The following KCNIP4 variants were observed in gnomAD, a reference collection of about 807,000 sequenced individuals.
The protein encoded by KCNIP4 is potassium voltage-gated channel interacting protein 4.
In KCNIP4, 12 loss-of-function variants were observed where a neutral mutation model predicts 34.0. The observed-to-expected ratio is 0.35, with a 90% CI of 0.23 to 0.57. KCNIP4 has a LOEUF of 0.57. Among genes scored for constraint, KCNIP4 ranks in the 20% least tolerant of loss-of-function variants. The pLI, the probability that KCNIP4 is intolerant of heterozygous loss-of-function variation, is 0.83. For synonymous variants in KCNIP4, 124 were observed against 102.2 expected (o/e 1.21, Z -1.29); for missense variants, 238 against 311.7 (o/e 0.76, Z 1.78).
intron 2 of KCNIP4, among the ~76,000 whole-genome samples, chr4:20,866,240 C>T (rs1352736240): frequency 3.3e-5 from 5 of 151,856 alleles, no homozygotes; most frequent in Non-Finnish European, 7.4e-5. Flanking sequence ...CTCATGAATA[C>T]AGACAAAAAA....
At chr4:21,527,208 G>C (rs1422215564) in intron 1 of KCNIP4, among the ~76,000 whole-genome samples, 1 of 152,066 alleles carries the variant, frequency 6.6e-6, no homozygotes, top group Non-Finnish European at 1.5e-5. Context: ...ATGATTTGTT[G>C]GGTTGTTGAT....
At chr4:21,026,026 G>A (rs534933717) in intron 1 of KCNIP4, among the ~76,000 whole-genome samples, 1 of 152,168 alleles carries the variant, frequency 6.6e-6, no homozygotes, top group East Asian at 1.9e-4. Flanking sequence ...TAGTCTAATG[G>A]CCCTGAAAAT....
chr4:20,814,363 G>A (rs2149436969), intron 3 of KCNIP4, among the ~76,000 whole-genome samples: 1 of 152,208 alleles, frequency 6.6e-6, no homozygotes, highest in South Asian at 2.1e-4. Context: ...CTGGATGTGG[G>A]GTTCTTAAGT....
At chr4:21,262,883 C>T (rs34595298) in intron 1 of KCNIP4, among the ~76,000 whole-genome samples, 42,301 of 152,118 alleles carry the variant, frequency 0.28, 6,192 homozygotes, top group South Asian at 0.33. Flanking sequence ...AAACTGAGGA[C>T]ATGGACTGTA....
chr4:21,486,959 G>C (rs1452417521), intron 1 of KCNIP4, among the ~76,000 whole-genome samples: 1 of 151,748 alleles, frequency 6.6e-6, no homozygotes, highest in Admixed American at 6.6e-5. Flanking sequence ...CATCACACCT[G>C]GCTAATTTTT....
At chr4:21,810,107 G>C (rs1721535445) in intron 1 of KCNIP4, among the ~76,000 whole-genome samples, 1 of 152,198 alleles carries the variant, frequency 6.6e-6, no homozygotes, top group Admixed American at 6.5e-5. Flanking sequence ...AAGACACCAT[G>C]AAGGTTGAAC....
At chr4:21,672,246 C>T (rs1342779253) in intron 1 of KCNIP4, among the ~76,000 whole-genome samples, 2 of 152,160 alleles carry the variant, frequency 1.3e-5, no homozygotes, top group Non-Finnish European at 2.9e-5. Flanking sequence ...CAAACCTGCA[C>T]ATTCTGCACA....
chr4:21,184,830 C>G (rs1444607447), intron 1 of KCNIP4, among the ~76,000 whole-genome samples: 1 of 152,186 alleles, frequency 6.6e-6, no homozygotes, highest in Non-Finnish European at 1.5e-5. Context: ...TAGCTCTCTA[C>G]TGAGTTCAAA....
At chr4:21,585,479 A>C (rs1438583306) in intron 1 of KCNIP4, among the ~76,000 whole-genome samples, 1 of 152,154 alleles carries the variant, frequency 6.6e-6, no homozygotes, top group Non-Finnish European at 1.5e-5. Context: ...ACTGAAATTA[A>C]GTGAAAACAA....
intron 8 of KCNIP4, chr4:20,731,706 T>C: frequency 1.0e-6 from 1 of 985,218 alleles, no homozygotes; most frequent in Non-Finnish European, 1.2e-6. Context: ...GCAATTCAAA[T>C]CTCATGTATG....
chr4:21,030,883 G>A (rs373123384), intron 1 of KCNIP4, among the ~76,000 whole-genome samples: 6 of 152,084 alleles, frequency 3.9e-5, no homozygotes, highest in African/African-American at 1.4e-4. Context: ...GAAATATGAT[G>A]TCCTGACCAT....
chr4:21,320,003 A>G (rs1355792200), intron 1 of KCNIP4, among the ~76,000 whole-genome samples: 1 of 152,234 alleles, frequency 6.6e-6, no homozygotes, highest in African/African-American at 2.4e-5. Context: ...GTTCCTGGTT[A>G]TGATAAAAAA....
intron 1 of KCNIP4, 139 bp from the exon 2 acceptor site, chr4:20,882,848 A>C: frequency 2.0e-6 from 1 of 506,130 alleles, no homozygotes; most frequent in Admixed American, 3.9e-5. Flanking sequence ...GTGGGTTGGG[A>C]CCCCCGAAAG....
Position 21,582,954 on chromosome 4 carries a change from T to C in KCNIP4, c.61+365617A>G, listed in dbSNP as rs562860525. On this transcript the variant is annotated intron_variant, in intron 1 of 8. Transcript: ENST00000382152. Reference sequence around the variant, plus strand: ...ATCATAGCATTTTTAGTTTCAAAGATTCTCATTGCCTTTCTCACACTAGCA... The same window carrying C: ...ATCATAGCATTTTTAGTTTCAAAGACTCTCATTGCCTTTCTCACACTAGCA... Among the ~76,000 whole-genome samples, 5 of 151,920 alleles carry C rather than the reference T, an allele frequency of 3.3e-5. No individual in the cohort carries two copies. In the South Asian group the frequency reaches 1.0e-3, roughly 32 times the overall value.
At chr4:21,213,833 T>G (rs1757389710) in intron 1 of KCNIP4, among the ~76,000 whole-genome samples, 1 of 152,172 alleles carries the variant, frequency 6.6e-6, no homozygotes, top group South Asian at 2.1e-4. Context: ...CTTTCATTCT[T>G]TCATCCGTCT....
At chr4:20,828,107 T>G (rs1044766946) in intron 3 of KCNIP4, among the ~76,000 whole-genome samples, 2 of 152,150 alleles carry the variant, frequency 1.3e-5, no homozygotes, top group Non-Finnish European at 2.9e-5. Context: ...TGTACATCCT[T>G]TGGAAAGTCC....
At chr4:21,690,080 G>A (rs924824963) in intron 1 of KCNIP4, among the ~76,000 whole-genome samples, 2 of 147,042 alleles carry the variant, frequency 1.4e-5, no homozygotes, top group Admixed American at 6.8e-5. Context: ...AGTTTATATT[G>A]CAAATATACA....
intron 1 of KCNIP4, among the ~76,000 whole-genome samples, chr4:21,126,045 G>T (rs1750588335): frequency 6.6e-6 from 1 of 152,060 alleles, no homozygotes. Context: ...TTGAGTTCAT[G>T]ATTGAGACAG....
intron 1 of KCNIP4, among the ~76,000 whole-genome samples, chr4:21,683,490 CAG>C (rs1188301500): frequency 1.2e-3 from 1 of 832 alleles, no homozygotes; most frequent in Non-Finnish European, 2.1e-3. Context: ...TTTTTTGAGA[CAG>C]AGTCTCACTC....
Sources: gnomAD v4.1 joint callset for allele counts (sites outside exome capture counted in the v4.1 genomes callset) on GRCh38, gnomAD v4.1.1 for gene constraint, MANE v1.5 for transcripts, NCBI Gene and HGNC (gene_info 2026-07-23, HGNC 2026-07-21) for gene names.